GLRB: variants seen among roughly 807,000 people sequenced by gnomAD.
GLRB encodes the protein glycine receptor beta, also known as glycine receptor subunit beta.
A neutral mutation model predicts 54.2 loss-of-function variants in GLRB; 33 were observed. That is an observed-to-expected ratio of 0.61 (90% CI 0.46 to 0.81). The LOEUF (loss-of-function observed/expected upper bound fraction) is 0.81, where lower values mean the gene tolerates loss of function less well. GLRB is among the 40% of genes least tolerant of loss of function. The pLI is 0.00. For missense variants in GLRB, 572 were observed against 584.6 expected, an observed-to-expected ratio of 0.98 and a Z score of 0.22; for synonymous variants, 209 against 208.2, an observed-to-expected ratio of 1.00 and a Z score of -0.03.
chr4:157,100,992 A>AGG (rs1468262698), intron 2 of GLRB, among the ~76,000 whole-genome samples: 1 of 152,166 alleles, frequency 6.6e-6, no homozygotes, highest in African/African-American at 2.4e-5. Context: ...TGGTGGTAGT[A>AGG]GACACTTACT....
At chr4:157,115,356 C>T (rs1735573522) in intron 2 of GLRB, among the ~76,000 whole-genome samples, 1 of 149,492 alleles carries the variant, frequency 6.7e-6, no homozygotes, top group African/African-American at 2.5e-5. Flanking sequence ...TATGAGGTTA[C>T]CAGCTTTAAA....
At chr4:157,114,939 AC>A (rs934195855) in intron 2 of GLRB, among the ~76,000 whole-genome samples, 1 of 151,188 alleles carries the variant, frequency 6.6e-6, no homozygotes, top group Non-Finnish European at 1.5e-5. Flanking sequence ...CTCTTTCCGC[AC>A]CCCCCTTTGC....
At chr4:157,105,977 AT>A (rs1447986287) in intron 2 of GLRB, among the ~76,000 whole-genome samples, 2 of 152,108 alleles carry the variant, frequency 1.3e-5, no homozygotes, top group Non-Finnish European at 2.9e-5. Context: ...GTAATATGAT[AT>A]TCTTTATTAG....
At chr4:157,114,942 C>A (rs975800024) in intron 2 of GLRB, among the ~76,000 whole-genome samples, 1 of 151,656 alleles carries the variant, frequency 6.6e-6, no homozygotes, top group Non-Finnish European at 1.5e-5. Flanking sequence ...TTTCCGCACC[C>A]CCCTTTGCAG....
intron 9 of GLRB, among the ~76,000 whole-genome samples, chr4:157,154,844 T>C (rs1478647171): frequency 6.6e-6 from 1 of 152,216 alleles, no homozygotes; most frequent in East Asian, 1.9e-4. Context: ...TTGGTCTGGA[T>C]AAGTTATGCA....
At chr4:157,164,800 G>A (rs1737648850) in intron 9 of GLRB, among the ~76,000 whole-genome samples, 1 of 152,080 alleles carries the variant, frequency 6.6e-6, no homozygotes, top group South Asian at 2.1e-4. Flanking sequence ...AACATGGATA[G>A]CAAGGATGAG....
chr4:157,087,968 A>G (rs1434054498), intron 2 of GLRB, among the ~76,000 whole-genome samples: 1 of 152,136 alleles, frequency 6.6e-6, no homozygotes, highest in African/African-American at 2.4e-5. Flanking sequence ...ATGGAAGTTT[A>G]CACTTAGAAT....
At chr4:157,126,764 T>G (rs1370281417) in intron 4 of GLRB, among the ~76,000 whole-genome samples, 1 of 151,912 alleles carries the variant, frequency 6.6e-6, no homozygotes, top group Non-Finnish European at 1.5e-5. Context: ...ATTGAAAATG[T>G]GACCTATCGA....
intron 8 of GLRB, among the ~76,000 whole-genome samples, chr4:157,150,181 A>T (rs1293668490): frequency 6.6e-6 from 1 of 152,076 alleles, no homozygotes; most frequent in East Asian, 1.9e-4. Flanking sequence ...ATATAAGGCT[A>T]TATTATGATA....
At chr4:157,142,216 TG>T (rs1490252622) in intron 7 of GLRB, among the ~76,000 whole-genome samples, 2 of 152,048 alleles carry the variant, frequency 1.3e-5, no homozygotes, top group Non-Finnish European at 2.9e-5. Flanking sequence ...TTAAGGGGAA[TG>T]GTGGGAAAAG....
At chr4:157,164,588 C>T (rs1306866568) in intron 9 of GLRB, among the ~76,000 whole-genome samples, 1 of 152,044 alleles carries the variant, frequency 6.6e-6, no homozygotes, top group Non-Finnish European at 1.5e-5. Flanking sequence ...CCTCAATAAG[C>T]ACAGGAATTA....
chr4:157,160,663 G>A (rs1737446066), intron 9 of GLRB, among the ~76,000 whole-genome samples: 3 of 151,926 alleles, frequency 2.0e-5, no homozygotes, highest in Non-Finnish European at 4.4e-5. Flanking sequence ...TCTTAATCCT[G>A]AGTTCTAGTT....
rs1359212897 is a variant in GLRB at position 157,138,873 on chromosome 4, A to T, written c.675A>T (p.Lys225Asn). The change falls in exon 7 of 10, where the codon AAA becomes AAT. Residue 225 changes from lysine (K) to asparagine (N), a missense_variant. Coordinates refer to ENST00000264428, the MANE Select transcript of GLRB (RefSeq NM_000824.5). ...CAGGAGATCCTGTGCAATTAGAAAA[A>T]ATTGCCTTGCCTCAATTTGATATCA... ...WQSGDPVQLE[K>N]IALPQFDIKK... 5.2e-6 allele frequency: 8 copies of T among 1,550,256 alleles called. No individual in the cohort carries two copies. The highest frequency in any genetic ancestry group is 7.1e-6 in the Non-Finnish European group (8 of 1,122,458).
intron 2 of GLRB, among the ~76,000 whole-genome samples, chr4:157,106,871 CTA>C (rs1735246277): frequency 6.6e-6 from 1 of 152,018 alleles, no homozygotes; most frequent in Non-Finnish European, 1.5e-5. Context: ...ATCTCATCTT[CTA>C]TATACTGCCT....
At chr4:157,150,207 T>C (rs1259772739) in intron 8 of GLRB, among the ~76,000 whole-genome samples, 1 of 152,122 alleles carries the variant, frequency 6.6e-6, no homozygotes, top group African/African-American at 2.4e-5. Flanking sequence ...AAAGTATTTT[T>C]ACAAAGTAGC....
intron 9 of GLRB, among the ~76,000 whole-genome samples, chr4:157,165,226 A>G (rs1737662648): frequency 6.6e-6 from 1 of 152,092 alleles, no homozygotes; most frequent in African/African-American, 2.4e-5. Flanking sequence ...GATGAGTCAT[A>G]AGATTTTACA....
At chr4:157,129,381 T>C (rs1736130046) in intron 4 of GLRB, among the ~76,000 whole-genome samples, 4 of 151,766 alleles carry the variant, frequency 2.6e-5, no homozygotes, top group South Asian at 2.1e-4. Context: ...ATATAAAGCA[T>C]TTGAAATGCC....
chr4:157,117,410 A>G (rs1735645667), intron 2 of GLRB, among the ~76,000 whole-genome samples: 1 of 151,674 alleles, frequency 6.6e-6, no homozygotes, highest in African/African-American at 2.4e-5. Context: ...CCTCAAAATA[A>G]CAGCTTTCTG....
chr4:157,076,466 A>G (rs1422185220), intron 1 of GLRB, 169 bp downstream of exon 1: 1 of 143,324 alleles, frequency 7.0e-6, no homozygotes, highest in African/African-American at 2.8e-5. Context: ...CCTGCGCGGG[A>G]GAGGGGCGCG....
Sources: gnomAD v4.1 joint callset for allele counts (sites outside exome capture counted in the v4.1 genomes callset) on GRCh38, gnomAD v4.1.1 for gene constraint, MANE v1.5 for transcripts, NCBI Gene and HGNC (gene_info 2026-07-23, HGNC 2026-07-21) for gene names.